The following NR3C2 variants were observed in gnomAD, a reference collection of about 807,000 sequenced individuals.
The protein encoded by NR3C2 is nuclear receptor subfamily 3 group C member 2.
Under a neutral mutation model 86.4 loss-of-function variants are expected in NR3C2, and 15 were observed. The observed-to-expected ratio is 0.17, with a 90% CI of 0.12 to 0.27. The LOEUF (loss-of-function observed/expected upper bound fraction) is 0.27, where lower values mean the gene tolerates loss of function less well. Ranked by LOEUF, NR3C2 falls within the 10% of genes least tolerant of loss-of-function variation. NR3C2 has a pLI of 1.00. For missense variants in NR3C2, 960 were observed against 1,195.6 expected (o/e 0.80, Z 2.91); for synonymous variants, 458 against 450.5 (o/e 1.02, Z -0.21).
chr4:148,349,826 G>A lies in NR3C2; in HGVS notation c.1757+85278C>T, dbSNP rs72656842. ...GTCTCCAGAAAAGTGTAAAAGAAAG[G>A]TTTATGGTCTATATTGTTGGTATCA... On this transcript the variant is annotated intron_variant, in intron 2 of 8. Transcript: ENST00000358102. Among the ~76,000 whole-genome samples the A allele has an allele frequency of 6.3e-3, 965 of 152,110 alleles. 20 individuals are homozygous for A. The highest frequency in any genetic ancestry group is 0.051 in the Admixed American group (772 of 15,266).
intron 8 of NR3C2, among the ~76,000 whole-genome samples, chr4:148,111,634 A>C (rs1732049083): frequency 6.6e-6 from 1 of 152,226 alleles, no homozygotes; most frequent in Non-Finnish European, 1.5e-5. Flanking sequence ...ACAATGGGAA[A>C]CTACTTTGCA....
intron 4 of NR3C2, among the ~76,000 whole-genome samples, chr4:148,184,417 A>G (rs1170294914): frequency 2.6e-5 from 4 of 151,384 alleles, no homozygotes; most frequent in African/African-American, 9.7e-5. Context: ...ATGCCATTGC[A>G]CTCCAGCCTG....
At chr4:148,386,613 G>C (rs1453684281) in intron 2 of NR3C2, among the ~76,000 whole-genome samples, 1 of 152,192 alleles carries the variant, frequency 6.6e-6, no homozygotes, top group African/African-American at 2.4e-5. Context: ...CTTATGCCAA[G>C]AATGAAGCGA....
At chr4:148,122,080 A>T (rs563438220) in intron 6 of NR3C2, among the ~76,000 whole-genome samples, 1 of 151,932 alleles carries the variant, frequency 6.6e-6, no homozygotes, top group African/African-American at 2.4e-5. Flanking sequence ...ATCCAATTTC[A>T]TTTTTTTTCT....
intron 2 of NR3C2, among the ~76,000 whole-genome samples, chr4:148,406,008 T>C (rs534386696): frequency 3.3e-5 from 5 of 151,946 alleles, no homozygotes; most frequent in African/African-American, 4.8e-5. Flanking sequence ...TAAAAAAAAA[T>C]TTTTAAATTT....
At chr4:148,356,881 A>G (rs1169156872) in intron 2 of NR3C2, among the ~76,000 whole-genome samples, 1 of 151,562 alleles carries the variant, frequency 6.6e-6, no homozygotes, top group Non-Finnish European at 1.5e-5. Flanking sequence ...AATGAACAAA[A>G]GCACACACTA....
chr4:148,135,099 C>G (rs976234616), intron 6 of NR3C2, among the ~76,000 whole-genome samples: 1 of 152,114 alleles, frequency 6.6e-6, no homozygotes. Context: ...GGAAAGGGGG[C>G]AGGGGCAGCC....
At chr4:148,172,459 G>C (rs574765238) in intron 4 of NR3C2, among the ~76,000 whole-genome samples, 1 of 152,188 alleles carries the variant, frequency 6.6e-6, no homozygotes, top group Non-Finnish European at 1.5e-5. Flanking sequence ...CAAGACTTAC[G>C]TGTTTTTTGG....
intron 2 of NR3C2, among the ~76,000 whole-genome samples, chr4:148,300,157 G>C (rs1311127390): frequency 6.6e-6 from 1 of 152,200 alleles, no homozygotes; most frequent in African/African-American, 2.4e-5. Flanking sequence ...TTACGTCCTT[G>C]GAAGTATGAC....
At chr4:148,135,508 G>C (rs943092028) in intron 6 of NR3C2, among the ~76,000 whole-genome samples, 1 of 152,124 alleles carries the variant, frequency 6.6e-6, no homozygotes, top group African/African-American at 2.4e-5. Context: ...CTCTAGGACT[G>C]TAAGAAAATA....
intron 2 of NR3C2, among the ~76,000 whole-genome samples, chr4:148,350,884 C>A (rs1156764371): frequency 1.3e-5 from 2 of 152,168 alleles, no homozygotes; most frequent in African/African-American, 4.8e-5. Context: ...ATTCTTTTTC[C>A]CATCTTGAGA....
intron 2 of NR3C2, among the ~76,000 whole-genome samples, chr4:148,302,817 G>A (rs1742406969): frequency 7.3e-6 from 1 of 136,772 alleles, no homozygotes; most frequent in Non-Finnish European, 1.5e-5. Flanking sequence ...TTGCACTCCA[G>A]CCTGGGCTAC....
chr4:148,159,648 T>TTAAC (rs1400499004), intron 4 of NR3C2, among the ~76,000 whole-genome samples: 1 of 152,230 alleles, frequency 6.6e-6, no homozygotes, highest in Admixed American at 6.5e-5. Context: ...GTTCACGCCC[T>TTAAC]TAACCTCTAT....
At chr4:148,424,979 C>A (rs1749458312) in intron 2 of NR3C2, among the ~76,000 whole-genome samples, 1 of 151,952 alleles carries the variant, frequency 6.6e-6, no homozygotes, top group African/African-American at 2.4e-5. Flanking sequence ...TATATCATTA[C>A]CAACTACTGT....
intron 8 of NR3C2, among the ~76,000 whole-genome samples, chr4:148,093,406 G>A (rs1260480268): frequency 2.0e-5 from 3 of 152,212 alleles, no homozygotes; most frequent in African/African-American, 7.2e-5. Flanking sequence ...AGTCACTTAA[G>A]TGGTGATGAA....
chr4:148,422,551 A>G (rs922059975), intron 2 of NR3C2, among the ~76,000 whole-genome samples: 2 of 152,170 alleles, frequency 1.3e-5, no homozygotes, highest in African/African-American at 2.4e-5. Context: ...AAACTTCACC[A>G]TGTGATGGAA....
intron 2 of NR3C2, among the ~76,000 whole-genome samples, chr4:148,273,677 C>T (rs769125605): frequency 3.9e-5 from 6 of 152,002 alleles, no homozygotes; most frequent in Non-Finnish European, 5.9e-5. Context: ...AACACAGACA[C>T]GAGAAGGAAC....
chr4:148,157,141 T>C (rs1341363795), intron 4 of NR3C2, among the ~76,000 whole-genome samples: 1 of 112,102 alleles, frequency 8.9e-6, no homozygotes, highest in African/African-American at 3.6e-5. Context: ...AACATCACAC[T>C]CTGGGGACTG....
chr4:148,176,853 A>C (rs915328663), intron 4 of NR3C2, among the ~76,000 whole-genome samples: 17 of 152,174 alleles, frequency 1.1e-4, no homozygotes, highest in African/African-American at 4.1e-4. Flanking sequence ...TATACAAATT[A>C]ATCTTAATAT....
Sources: gnomAD v4.1 joint callset for allele counts (sites outside exome capture counted in the v4.1 genomes callset) on GRCh38, gnomAD v4.1.1 for gene constraint, MANE v1.5 for transcripts, NCBI Gene and HGNC (gene_info 2026-07-23, HGNC 2026-07-21) for gene names.